Variants in FGGY observed in about 807,000 individuals in gnomAD.
FGGY encodes FGGY carbohydrate kinase domain-containing protein.
A neutral mutation model predicts 71.3 loss-of-function variants in FGGY; 72 were observed. The ratio of observed to expected loss-of-function variants is 1.01; its 90% CI spans 0.84 to 1.23. The LOEUF (loss-of-function observed/expected upper bound fraction) is 1.23, where lower values mean the gene tolerates loss of function less well. Among genes scored for constraint, FGGY ranks in the 50% most tolerant of loss-of-function variants. The pLI, the probability that FGGY is intolerant of heterozygous loss-of-function variation, is 0.00. For synonymous variants in FGGY, 251 were observed against 250.3 expected, an observed-to-expected ratio of 1.00 and a Z score of -0.02; for missense variants, 668 against 682.3, an observed-to-expected ratio of 0.98 and a Z score of 0.23.
intron 6 of FGGY, among the ~76,000 whole-genome samples, chr1:59,510,313 G>C (rs1459986852): frequency 6.6e-6 from 1 of 152,080 alleles, no homozygotes; most frequent in Admixed American, 6.5e-5. Flanking sequence ...CCTTCACAGA[G>C]GGTTAATATG....
Position 59,607,841 on chromosome 1 carries a change from G to T in FGGY, c.942G>T (p.Gly314=). The change falls in exon 9 of 16, where the codon GGG becomes GGT. Residue 314 remains glycine (G), a synonymous_variant. Coordinates refer to ENST00000303721, the MANE Select transcript of FGGY (RefSeq NM_018291.5). ...CGATTTTTGTACCAGGCGTCTGGGG[G>T]CCTTATTTCTCAGCCATGGTACCTG... ...KDPIFVPGVW[G]PYFSAMVPGF... 2 of 1,614,064 alleles carry T rather than the reference G, an allele frequency of 1.2e-6. No individual in the cohort carries two copies. Among genetic ancestry groups the T allele is most frequent in the Non-Finnish European group, 1.7e-6 (2 of 1,179,978 alleles).
chr1:59,399,659 A>G, intron 5 of FGGY, among the ~76,000 whole-genome samples: 1 of 152,320 alleles, frequency 6.6e-6, no homozygotes, highest in Non-Finnish European at 1.5e-5. Context: ...ATATACAATG[A>G]TATTATCCTC....
chr1:59,762,179 C>T (rs1574133651), intron 15 of FGGY, among the ~76,000 whole-genome samples: 1 of 108,322 alleles, frequency 9.2e-6, no homozygotes, highest in South Asian at 3.0e-4. Context: ...AACCTCCGCC[C>T]CCCGGGTTCA....
At chr1:59,488,604 C>G (rs547153370) in intron 6 of FGGY, among the ~76,000 whole-genome samples, 1 of 149,242 alleles carries the variant, frequency 6.7e-6, no homozygotes, top group Admixed American at 6.7e-5. Context: ...TATATTCATA[C>G]TATATATGTA....
intron 6 of FGGY, among the ~76,000 whole-genome samples, chr1:59,504,948 G>T (rs2094338994): frequency 6.6e-6 from 1 of 152,216 alleles, no homozygotes. Flanking sequence ...ACGTTGTGCT[G>T]AGGGGAAATG....
chr1:59,490,256 C>A (rs200917018), intron 6 of FGGY, among the ~76,000 whole-genome samples: 1 of 152,132 alleles, frequency 6.6e-6, no homozygotes, highest in Non-Finnish European at 1.5e-5. Flanking sequence ...TGCTATATTG[C>A]CCAGGCAGGT....
intron 9 of FGGY, among the ~76,000 whole-genome samples, chr1:59,614,220 C>A (rs921980037): frequency 2.0e-5 from 3 of 152,118 alleles, no homozygotes; most frequent in African/African-American, 7.2e-5. Context: ...GACCAATATC[C>A]CTGATGAACA....
At chr1:59,681,777 G>C (rs1197243375) in intron 14 of FGGY, among the ~76,000 whole-genome samples, 1 of 132,374 alleles carries the variant, frequency 7.6e-6, no homozygotes, top group Non-Finnish European at 1.7e-5. Flanking sequence ...AAATTGCCTT[G>C]AAAAATACAC....
intron 7 of FGGY, among the ~76,000 whole-genome samples, chr1:59,539,243 G>T (rs1325382585): frequency 6.6e-6 from 1 of 152,170 alleles, no homozygotes; most frequent in Non-Finnish European, 1.5e-5. Context: ...CATTCTAGCA[G>T]ATTTGTGTGT....
At chr1:59,322,589 A>C (rs1485535809) in intron 2 of FGGY, among the ~76,000 whole-genome samples, 1 of 152,200 alleles carries the variant, frequency 6.6e-6, no homozygotes, top group East Asian at 1.9e-4. Flanking sequence ...CAGAGGGAAT[A>C]GCATATGCAA....
At chr1:59,558,924 A>G (rs886935704) in intron 8 of FGGY, among the ~76,000 whole-genome samples, 1 of 152,110 alleles carries the variant, frequency 6.6e-6, no homozygotes, top group Non-Finnish European at 1.5e-5. Flanking sequence ...CTACCTGCAC[A>G]TCTGTTTTAG....
intron 7 of FGGY, among the ~76,000 whole-genome samples, chr1:59,513,405 C>T (rs1053485469): frequency 1.3e-5 from 2 of 152,338 alleles, no homozygotes; most frequent in Admixed American, 6.5e-5. Context: ...CATGCATTTA[C>T]ACCTCTGTGA....
intron 8 of FGGY, among the ~76,000 whole-genome samples, chr1:59,559,465 T>C (rs982781297): frequency 6.6e-6 from 1 of 152,236 alleles, no homozygotes; most frequent in Non-Finnish European, 1.5e-5. Flanking sequence ...GAAATAGTTA[T>C]GGATATATAT....
At chr1:59,362,600 G>A (rs1017084937) in intron 4 of FGGY, among the ~76,000 whole-genome samples, 1 of 152,146 alleles carries the variant, frequency 6.6e-6, no homozygotes, top group African/African-American at 2.4e-5. Context: ...TTGCCTCAGT[G>A]TGGACTGACC....
chr1:59,402,152 A>C (rs1240915443), intron 5 of FGGY, among the ~76,000 whole-genome samples: 1 of 152,246 alleles, frequency 6.6e-6, no homozygotes. Flanking sequence ...AAGTCAGGAC[A>C]TGATGGACAA....
At chr1:59,599,562 C>T (rs2096556440) in intron 8 of FGGY, among the ~76,000 whole-genome samples, 1 of 151,446 alleles carries the variant, frequency 6.6e-6, no homozygotes, top group Non-Finnish European at 1.5e-5. Flanking sequence ...GGCGTGGTGG[C>T]ATGTGCCTGT....
chr1:59,636,714 A>C (rs1347966954), intron 10 of FGGY, among the ~76,000 whole-genome samples: 1 of 152,050 alleles, frequency 6.6e-6, no homozygotes, highest in Non-Finnish European at 1.5e-5. Flanking sequence ...TGCTCTACTC[A>C]TTGGTTTGTT....
rs547026093 is a variant in FGGY, at chr1:59,378,584, A to G, written c.466-165A>G. On this transcript the variant is annotated intron_variant, in intron 4 of 15. Transcript: ENST00000303721. ...AGCATTGTCAGTTTTTCTTTCCTGT[A>G]TAAGTACTGCTTTTATATTATTCCT... Among the ~76,000 whole-genome samples the G allele has an allele frequency of 1.6e-4, 24 of 152,196 alleles. No individual in the cohort carries two copies. In the South Asian group the frequency reaches 4.0e-3, roughly 25 times the overall value.
intron 4 of FGGY, among the ~76,000 whole-genome samples, chr1:59,351,666 A>G (rs2053328294): frequency 6.6e-5 from 10 of 152,202 alleles, no homozygotes; most frequent in Admixed American, 6.5e-4. Context: ...GGGCTGTTAC[A>G]GTACTCCATG....
Sources: gnomAD v4.1 joint callset for allele counts (sites outside exome capture counted in the v4.1 genomes callset) on GRCh38, gnomAD v4.1.1 for gene constraint, MANE v1.5 for transcripts, NCBI Gene and HGNC (gene_info 2026-07-23, HGNC 2026-07-21) for gene names.